ROBO2: variants seen among roughly 807,000 people sequenced by gnomAD.
ROBO2 encodes the protein roundabout guidance receptor 2, also known as roundabout homolog 2.
A neutral mutation model predicts 160.8 loss-of-function variants in ROBO2; 53 were observed. The observed-to-expected ratio is 0.33, with a 90% confidence interval of 0.26 to 0.41. ROBO2 has a LOEUF of 0.41. Among genes scored for constraint, ROBO2 ranks in the 10% least tolerant of loss-of-function variants. The pLI, the probability that ROBO2 is intolerant of heterozygous loss-of-function variation, is 1.00. For missense variants in ROBO2, 1,577 were observed against 1,722.4 expected (o/e 0.92, Z 1.49); for synonymous variants, 664 against 611.7 (o/e 1.09, Z -1.26).
At chr3:77,573,048 G>A (rs2093676985) in intron 13 of ROBO2, among the ~76,000 whole-genome samples, 2 of 151,878 alleles carry the variant, frequency 1.3e-5, no homozygotes, top group African/African-American at 2.4e-5. Flanking sequence ...CCTGAAATGA[G>A]GTTATTCCAT....
rs1448592886 is a variant in ROBO2, at chr3:77,088,132, A to G, written c.62-9882A>G. On this transcript the variant is annotated intron_variant, in intron 1 of 25. Transcript: ENST00000461745. The stretch of plus-strand genomic sequence containing the variant: ...AAGACTTAGCTGATAAAGGCACTGA[A>G]TAACATGCGGTAGTGGAGGAAAAAA... 2.6e-5 allele frequency among the ~76,000 whole-genome samples: 4 copies of G among 152,204 alleles called. No homozygotes were observed. In the East Asian group the frequency reaches 7.7e-4, roughly 29 times the overall value.
At chr3:77,574,815 A>G in intron 14 of ROBO2, 85 bp downstream of exon 15, 1 of 959,022 alleles carries the variant, frequency 1.0e-6, no homozygotes, top group East Asian at 2.6e-5. Context: ...CCTTAGAAGA[A>G]TGGAAAGATA....
At chr3:77,493,221 A>G (rs2086355343) in intron 4 of ROBO2, 23 bp from the exon 5 acceptor site, 2 of 1,610,574 alleles carry the variant, frequency 1.2e-6, no homozygotes, top group African/African-American at 1.3e-5. Context: ...TCATTTTACC[A>G]TTGTTTCATT....
Position 77,020,606 on chromosome 3 carries a change from A to T in ROBO2, c.110-77408A>T, listed in dbSNP as rs185602317. 6.4e-3 allele frequency among the ~76,000 whole-genome samples: 974 copies of T among 152,314 alleles called. 3 individuals are homozygous for T. The highest frequency in any genetic ancestry group is 0.01 in the Non-Finnish European group (688 of 68,026). On this transcript the variant is annotated intron_variant, in intron 2 of 26. Transcript: ENST00000487694. ...GTCCAACAATAAGGGGACAGTAAAT[A>T]AAATGTGGTAGATCCACATTATCTA...
At chr3:77,429,997 T>C (rs1001561763) in intron 2 of ROBO2, among the ~76,000 whole-genome samples, 5 of 152,134 alleles carry the variant, frequency 3.3e-5, no homozygotes, top group Admixed American at 2.6e-4. Context: ...TTCTGTGCAA[T>C]GGACAGTGAT....
At chr3:77,139,059 G>A (rs1394854089) in intron 2 of ROBO2, among the ~76,000 whole-genome samples, 1 of 152,066 alleles carries the variant, frequency 6.6e-6, no homozygotes, top group Non-Finnish European at 1.5e-5. Flanking sequence ...TAGAATAGGA[G>A]CAATCTGGCC....
chr3:76,386,187 A>T (rs2076872133), intron 2 of ROBO2, among the ~76,000 whole-genome samples: 1 of 152,138 alleles, frequency 6.6e-6, no homozygotes, highest in South Asian at 2.1e-4. Flanking sequence ...ATTTCTGAGG[A>T]TGTATTCATG....
At chr3:76,566,817 G>A (rs1336692719) in intron 2 of ROBO2, among the ~76,000 whole-genome samples, 1 of 151,942 alleles carries the variant, frequency 6.6e-6, no homozygotes, top group Non-Finnish European at 1.5e-5. Flanking sequence ...GAAGAAAAGA[G>A]AAAAAATCTC....
intron 2 of ROBO2, among the ~76,000 whole-genome samples, chr3:77,388,459 C>T (rs992904991): frequency 6.6e-6 from 1 of 152,134 alleles, no homozygotes; most frequent in Non-Finnish European, 1.5e-5. Flanking sequence ...TTGGGATCTT[C>T]CCTTTTGTTC....
chr3:76,893,221 T>G (rs1432021406), intron 2 of ROBO2, among the ~76,000 whole-genome samples: 40 of 151,490 alleles, frequency 2.6e-4, no homozygotes, highest in Admixed American at 2.6e-3. Context: ...CACATACACA[T>G]GCATTCAAAT....
At chr3:76,624,570 G>A (rs1480211263) in intron 2 of ROBO2, among the ~76,000 whole-genome samples, 4 of 151,856 alleles carry the variant, frequency 2.6e-5, no homozygotes, top group Non-Finnish European at 5.9e-5. Flanking sequence ...AAGCCGAGGC[G>A]GGCGGATCGC....
At chr3:77,237,685 A>T (rs1434672514) in intron 2 of ROBO2, among the ~76,000 whole-genome samples, 1 of 152,222 alleles carries the variant, frequency 6.6e-6, no homozygotes, top group African/African-American at 2.4e-5. Context: ...CATTATGAAT[A>T]AAGCTGCTAT....
chr3:77,113,019 T>A (rs2073825018), intron 2 of ROBO2, among the ~76,000 whole-genome samples: 1 of 152,200 alleles, frequency 6.6e-6, no homozygotes, highest in African/African-American at 2.4e-5. Context: ...AGGAATTCAA[T>A]AAAGTAGAAA....
intron 16 of ROBO2, among the ~76,000 whole-genome samples, chr3:77,583,817 C>G (rs1396958137): frequency 1.3e-5 from 2 of 152,152 alleles, no homozygotes; most frequent in African/African-American, 4.8e-5. Flanking sequence ...CAGGCACATA[C>G]ATTACTGTCT....
chr3:76,131,108 G>A (rs2071204727), intron 2 of ROBO2, among the ~76,000 whole-genome samples: 1 of 152,142 alleles, frequency 6.6e-6, no homozygotes, highest in Non-Finnish European at 1.5e-5. Flanking sequence ...TAGAATTAAT[G>A]TGTATAGTAT....
intron 2 of ROBO2, among the ~76,000 whole-genome samples, chr3:76,658,077 TAAATA>T (rs2110012488): frequency 8.5e-6 from 1 of 117,828 alleles, no homozygotes. Context: ...AATAAATAAA[TAAATA>T]AATAAATAAA....
chr3:75,967,286 T>G (rs1489172443), intron 2 of ROBO2, among the ~76,000 whole-genome samples: 3 of 151,628 alleles, frequency 2.0e-5, no homozygotes, highest in Non-Finnish European at 4.4e-5. Context: ...TTTTTAGAAT[T>G]GTCTATATGC....
At chr3:76,122,793 T>A (rs1243048161) in intron 2 of ROBO2, among the ~76,000 whole-genome samples, 1 of 152,232 alleles carries the variant, frequency 6.6e-6, no homozygotes. Flanking sequence ...TATATTCATT[T>A]GTGCAATGTG....
intron 2 of ROBO2, among the ~76,000 whole-genome samples, chr3:76,997,978 G>A (rs1351015158): frequency 1.3e-5 from 2 of 152,028 alleles, no homozygotes; most frequent in Admixed American, 1.3e-4. Flanking sequence ...TTCCAACAGG[G>A]AGCACAAAAG....
Sources: gnomAD v4.1 joint callset for allele counts (sites outside exome capture counted in the v4.1 genomes callset) on GRCh38, gnomAD v4.1.1 for gene constraint, MANE v1.5 for transcripts, NCBI Gene and HGNC (gene_info 2026-07-23, HGNC 2026-07-21) for gene names.